The following SARDH variants were observed in gnomAD, a reference collection of about 807,000 sequenced individuals.
SARDH encodes the protein sarcosine dehydrogenase, mitochondrial.
A neutral mutation model predicts 109.1 loss-of-function variants in SARDH; 95 were observed. The observed-to-expected ratio is 0.87, with a 90% CI of 0.74 to 1.03. The LOEUF (loss-of-function observed/expected upper bound fraction) is 1.03. Ranked by LOEUF, SARDH falls within the 50% of genes least tolerant of loss-of-function variation. The pLI is 0.00. For missense variants in SARDH, 1,267 were observed against 1,287.8 expected (o/e 0.98, Z 0.25); for synonymous variants, 572 against 534.8 (o/e 1.07, Z -0.96).
downstream of SARDH, among the ~76,000 whole-genome samples, chr9:133,661,568 G>A (rs1008653305): frequency 7.9e-5 from 12 of 151,526 alleles, no homozygotes; most frequent in African/African-American, 1.2e-4. Flanking sequence ...CACAACCTCC[G>A]CTTCCTGGGT....
At chr9:133,703,294 G>A in intron 12 of SARDH, 1 of 510,998 alleles carries the variant, frequency 2.0e-6, no homozygotes, top group Non-Finnish European at 3.6e-6. Context: ...GGAGCTGGAT[G>A]CACCCAAGGT....
intron 17 of SARDH, among the ~76,000 whole-genome samples, chr9:133,683,090 G>C (rs1394802283): frequency 3.3e-5 from 5 of 152,232 alleles, no homozygotes; most frequent in Non-Finnish European, 7.3e-5. Flanking sequence ...CCCGGAAGCA[G>C]AGCCTTTGGG....
chr9:133,696,217 C>G lies in SARDH; in HGVS notation c.1807+6G>C, dbSNP rs1250372353. ...GGAACATGCCCCCCAACCTCAGGCT[C>G]CATACCTGGGGGTCGGCTGACATCT... On this transcript the variant is annotated splice_donor_region_variant and intron_variant, in intron 14 of 20. Transcript: ENST00000439388. 6.2e-7 allele frequency: 1 copy of G among 1,613,538 alleles called. No individual in the cohort carries two copies. The highest frequency in any genetic ancestry group is 1.3e-5 in the African/African-American group (1 of 74,916).
chr9:133,719,543 G>A (rs1293995739), intron 6 of SARDH, among the ~76,000 whole-genome samples: 1 of 152,122 alleles, frequency 6.6e-6, no homozygotes, highest in Non-Finnish European at 1.5e-5. Context: ...TTCAGGGGGT[G>A]ATGCGCTTGC....
intron 4 of SARDH, 45 bp from the exon 5 acceptor site, chr9:133,730,232 G>A (rs202020331): frequency 3.4e-5 from 54 of 1,604,872 alleles, no homozygotes; most frequent in South Asian, 7.8e-5. Flanking sequence ...GGGACTCCCC[G>A]GGGGTGCTTC....
intron 13 of SARDH, among the ~76,000 whole-genome samples, chr9:133,701,266 C>A (rs1483625713): frequency 6.6e-6 from 1 of 152,256 alleles, no homozygotes; most frequent in Non-Finnish European, 1.5e-5. Flanking sequence ...TCCCCTCTGC[C>A]CCAGAGAGCT....
chr9:133,666,695 A>T lies in SARDH; in HGVS notation c.2631+40T>A. 1 of 1,561,082 alleles carries T rather than the reference A, an allele frequency of 6.4e-7. No homozygotes were observed. Among genetic ancestry groups the T allele is most frequent in the Non-Finnish European group, 8.7e-7 (1 of 1,152,802 alleles). On this transcript the variant is annotated intron_variant, in intron 20 of 20. Coordinates refer to ENST00000439388, the MANE Select transcript of SARDH (RefSeq NM_001134707.2). The surrounding 1 kb of genome is among the most constrained non-coding windows in gnomAD (Gnocchi z 5.2). The stretch of plus-strand genomic sequence containing the variant: ...GGAGCTGGTTTGGAGCTGGTGAGGG[A>T]TCGGCATCTGCCTTAGCAGGGCCAG...
intron 3 of SARDH, among the ~76,000 whole-genome samples, chr9:133,732,047 AT>A (rs899868248): frequency 3.3e-5 from 5 of 152,164 alleles, no homozygotes; most frequent in East Asian, 1.9e-4. Flanking sequence ...CTGTCTGGGA[AT>A]TCTGAATGAA....
chr9:133,668,282 T>A (rs7044072), intron 19 of SARDH, among the ~76,000 whole-genome samples: 358 of 31,650 alleles, frequency 0.011, 1 homozygote, highest in African/African-American at 0.044. Flanking sequence ...ACCGTCCCTC[T>A]CCCTCCCTCT....
rs896223001 is a variant in SARDH, at chr9:133,682,225, C to T, written c.2163+2968G>A. 2.0e-5 allele frequency among the ~76,000 whole-genome samples: 3 copies of T among 152,068 alleles called. No individual in the cohort carries two copies. In the East Asian group the frequency reaches 5.8e-4, roughly 29 times the overall value. On this transcript the variant is annotated intron_variant, in intron 17 of 20. Transcript: ENST00000439388. ...AAACACATGAGCAGGGCACTGGAGACGCAGCTGAGGGCGTTCCAAGTGGTT... is the reference window on the plus strand; with the variant it reads ...AAACACATGAGCAGGGCACTGGAGATGCAGCTGAGGGCGTTCCAAGTGGTT...
In SARDH at chr9:133,696,334, C is replaced by G. The variant is rs1346614349; in HGVS notation, c.1696G>C (p.Gly566Arg). ...TIKKECLACRGAAAVFDMSYF... is the reference protein window; with the variant it reads ...TIKKECLACRRAAAVFDMSYF... The stretch of plus-strand genomic sequence containing the variant: ...GACATGTCAAACACAGCGGCGGCCC[C>G]TCTGCAGGCCAGGCACTCCTTCTTG... The change falls in exon 14 of 21, where the codon GGG becomes CGG. Residue 566 changes from glycine (G) to arginine (R), a missense_variant. By Grantham distance (125) the Gly-to-Arg change is moderately radical. Transcript: ENST00000439388. The G allele has an allele frequency of 6.2e-7, 1 of 1,614,142 alleles. No individual in the cohort carries two copies. The highest frequency in any genetic ancestry group is 2.2e-5 in the East Asian group (1 of 44,886).
At chr9:133,670,179 A>C (rs966664704) in intron 19 of SARDH, among the ~76,000 whole-genome samples, 5 of 152,076 alleles carry the variant, frequency 3.3e-5, no homozygotes, top group Non-Finnish European at 7.4e-5. Flanking sequence ...AAGTACAAAA[A>C]TTAGCTGGGT....
intron 18 of SARDH, among the ~76,000 whole-genome samples, chr9:133,671,103 C>T (rs566618746): frequency 1.9e-4 from 29 of 152,290 alleles, no homozygotes; most frequent in African/African-American, 6.3e-4. Flanking sequence ...GGGAACCGCC[C>T]AAAGCCCGCT....
At chr9:133,685,636 G>A (rs1373235923) in intron 16 of SARDH, among the ~76,000 whole-genome samples, 1 of 152,174 alleles carries the variant, frequency 6.6e-6, no homozygotes, top group African/African-American at 2.4e-5. Context: ...CAGAGCATCT[G>A]GACCAGGTCC....
chr9:133,688,462 C>T (rs1830967816), intron 16 of SARDH, among the ~76,000 whole-genome samples: 1 of 152,190 alleles, frequency 6.6e-6, no homozygotes, highest in Admixed American at 6.5e-5. Flanking sequence ...ATCACTCCCT[C>T]CTGGCATCCC....
chr9:133,692,913 C>T lies in SARDH; in HGVS notation c.1921+1345G>A, dbSNP rs150132029. On this transcript the variant is annotated intron_variant, in intron 15 of 20. Coordinates refer to ENST00000439388, the MANE Select transcript of SARDH (RefSeq NM_001134707.2). This position sits in a 1 kb window ranked among gnomAD's most constrained non-coding sequence, Gnocchi z 5.0. ...CGCACCCCATAGGACCCCTCACTCACGCTCTCAGCCTCATCTCCGCCACCA... is the reference window on the plus strand; with the variant it reads ...CGCACCCCATAGGACCCCTCACTCATGCTCTCAGCCTCATCTCCGCCACCA... Among the ~76,000 whole-genome samples the T allele has an allele frequency of 2.6e-5, 4 of 152,162 alleles. No homozygotes were observed. Among genetic ancestry groups the T allele is most frequent in the South Asian group, 2.1e-4 (1 of 4,828 alleles).
At chr9:133,724,714 A>G (rs888711188) in intron 6 of SARDH, among the ~76,000 whole-genome samples, 6 of 138,204 alleles carry the variant, frequency 4.3e-5, no homozygotes, top group Non-Finnish European at 6.5e-5. Context: ...AGTGTTTCAC[A>G]TTTTTAATTT....
chr9:133,718,995 G>C lies in SARDH; in HGVS notation c.963C>G (p.Leu321=). 1 of 1,614,180 alleles carries C rather than the reference G, an allele frequency of 6.2e-7. No individual in the cohort carries two copies. Among genetic ancestry groups the C allele is most frequent in the Non-Finnish European group, 8.5e-7 (1 of 1,180,042 alleles). Reference sequence around the variant, plus strand: ...CACCCACAGACAAGGCATCCCCTTGGAGGCGGAGGTAGACAGAGGCATCAT... The same window carrying C: ...CACCCACAGACAAGGCATCCCCTTGCAGGCGGAGGTAGACAGAGGCATCAT... The part of the protein sequence containing the change: ...RDHDASVYLR[L]QGDALSVGGY... Residue 321 remains leucine (L), a synonymous_variant, in exon 7 of 21, where the codon CTC becomes CTG. Transcript: ENST00000439388. The surrounding 1 kb of genome is among the most constrained non-coding windows in gnomAD (Gnocchi z 4.2).
intron 8 of SARDH, among the ~76,000 whole-genome samples, chr9:133,715,222 A>C (rs1832075012): frequency 6.6e-6 from 1 of 152,214 alleles, no homozygotes; most frequent in Non-Finnish European, 1.5e-5. Context: ...CCAGTCTCCC[A>C]TCCAGCCGAC....
Sources: allele counts gnomAD v4.1 joint callset (sites outside exome capture counted in the v4.1 genomes callset), GRCh38; gene constraint gnomAD v4.1.1; non-coding constraint Gnocchi (gnomAD v3.1); transcripts MANE v1.5; gene names NCBI Gene and HGNC (gene_info 2026-07-23, HGNC 2026-07-21).